The following SDR42E1 variants were observed in gnomAD, a reference collection of about 807,000 sequenced individuals.
The protein encoded by SDR42E1 is short chain dehydrogenase/reductase family 42E, member 1, also known as short-chain dehydrogenase/reductase family 42E member 1.
SDR42E1 carries 5 observed loss-of-function variants against 2.6 expected under a neutral mutation model. The observed-to-expected ratio is 1.94, with a 90% CI of 1.01 to 4.08. The LOEUF (loss-of-function observed/expected upper bound fraction) is 4.08. Ranked by LOEUF, SDR42E1 falls within the 30% of genes most tolerant of loss-of-function variation. The probability of loss-of-function intolerance (pLI) is 0.00; values close to 1 mark genes in which losing one functional copy is unlikely to be tolerated. For synonymous variants in SDR42E1, 231 were observed against 188.3 expected (o/e 1.23, Z -1.86); for missense variants, 596 against 478.6 (o/e 1.25, Z -2.29).
chr16:81,999,718 C>T lies in SDR42E1; in HGVS notation c.575G>A (p.Gly192Glu), dbSNP rs1326919865. ...ALRPAGIYGPGEQRHLPRIVS... is the reference protein window; with the variant it reads ...ALRPAGIYGPEEQRHLPRIVS... ...TATCCTGGGAAGGTGTCTTTGTTCTCCAGGCCCATAGATGCCAGCTGGCCT... is the reference window on the plus strand; with the variant it reads ...TATCCTGGGAAGGTGTCTTTGTTCTTCAGGCCCATAGATGCCAGCTGGCCT... Residue 192 changes from glycine (G) to glutamate (E), a missense_variant, in exon 3 of 3, where the codon GGA becomes GAA. Gly to Glu is a moderately conservative substitution (Grantham distance 98). Coordinates refer to ENST00000328945, the MANE Select transcript of SDR42E1 (RefSeq NM_145168.3). 2 of 1,614,162 alleles carry T rather than the reference C, an allele frequency of 1.2e-6. No homozygotes were observed. The highest frequency in any genetic ancestry group is 1.1e-5 in the South Asian group (1 of 91,082).
rs1912400189 is a variant in SDR42E1, at chr16:81,990,398, C to CA, written c.*8712dup. 6.6e-6 allele frequency: 1 copy of CA among 152,170 alleles called. No individual in the cohort carries two copies. Among genetic ancestry groups the CA allele is most frequent in the Non-Finnish European group, 1.5e-5 (1 of 68,018 alleles). The allele number at this position is 152,170 out of a possible 1,614,324, so 9.4% of individuals were successfully genotyped here. On this transcript the variant is annotated 3_prime_UTR_variant, in exon 3 of 3. Transcript: ENST00000328945. ...ACTGAACCATCTCTACCCGCATATG[C>CA]AGTTGTTTTTTTCAAACTACAGTCT...
rs1226840707 is a variant in SDR42E1, at chr16:81,994,298, C to G, written c.*4813G>C. On this transcript the variant is annotated 3_prime_UTR_variant, in exon 3 of 3. Transcript: ENST00000328945. ...GCCCAAACATCATCAGCACTCGGTC[C>G]TCTCCTTCAGGTAGGAGGACCCTGA... 1.3e-5 allele frequency: 2 copies of G among 152,266 alleles called. No homozygotes were observed. The highest frequency in any genetic ancestry group is 2.9e-5 in the Non-Finnish European group (2 of 68,090). 9.4% of individuals were successfully genotyped at this position (152,266 alleles called of 1,614,324 possible).
intron 1 of SDR42E1, among the ~76,000 whole-genome samples, chr16:82,008,962 C>G (rs1356359530): frequency 6.6e-6 from 1 of 152,200 alleles, no homozygotes; most frequent in Non-Finnish European, 1.5e-5. Flanking sequence ...CTCTGCGTCC[C>G]AGCTGCTCCA....
rs1465709699 is a variant in SDR42E1, at chr16:81,994,127, A to G, written c.*4984T>C. The G allele has an allele frequency of 6.6e-6, 1 of 152,210 alleles. No homozygotes were observed. The highest frequency in any genetic ancestry group is 1.5e-5 in the Non-Finnish European group (1 of 68,054). 9.4% of individuals were successfully genotyped at this position (152,210 alleles called of 1,614,324 possible). ...TCGAACTTAAAGGACCTTAAGCAGA[A>G]AAGAAAGTGAACTGAAGACTCACGT... On this transcript the variant is annotated 3_prime_UTR_variant, in exon 3 of 3. Transcript: ENST00000328945.
Position 82,000,933 on chromosome 16 carries a change from A to C in SDR42E1, c.-26-49T>G, listed in dbSNP as rs1912738129. On this transcript the variant is annotated intron_variant, in intron 1 of 2. Coordinates refer to ENST00000328945, the MANE Select transcript of SDR42E1 (RefSeq NM_145168.3). ...TGTTACTGATCCAAATGCAAACGTCATTCTCCCTAATTTTGACCTAACAAA... is the reference window on the plus strand; with the variant it reads ...TGTTACTGATCCAAATGCAAACGTCCTTCTCCCTAATTTTGACCTAACAAA... The C allele has an allele frequency of 6.1e-6, 8 of 1,301,888 alleles. No homozygotes were observed. In the South Asian group the frequency reaches 1.0e-4, roughly 16 times the overall value. The allele number at this position is 1,301,888 out of a possible 1,614,324, so 80.6% of individuals were successfully genotyped here.
At chr16:82,005,263 G>A (rs959744805) in intron 1 of SDR42E1, among the ~76,000 whole-genome samples, 5 of 152,300 alleles carry the variant, frequency 3.3e-5, no homozygotes, top group Middle Eastern at 3.4e-3. Flanking sequence ...GCCTAGTGAT[G>A]CTACTCCATT....
In SDR42E1 at chr16:81,989,982, G is replaced by C. The variant is rs1912391348; in HGVS notation, c.*9129C>G. 6.6e-6 allele frequency: 1 copy of C among 152,402 alleles called. No homozygotes were observed. The highest frequency in any genetic ancestry group is 2.1e-4 in the South Asian group (1 of 4,828). The allele number at this position is 152,402 out of a possible 1,614,324, so 9.4% of individuals were successfully genotyped here. A position where few individuals can be genotyped will look rare whatever the true frequency, so the allele number is the denominator to read the frequency against. ...CACTGCACTCCAGCCTGGGCCACAAGACCAAAACTCCGTCTGAAACAGACA... is the reference window on the plus strand; with the variant it reads ...CACTGCACTCCAGCCTGGGCCACAACACCAAAACTCCGTCTGAAACAGACA... On this transcript the variant is annotated 3_prime_UTR_variant, in exon 3 of 3. Coordinates refer to ENST00000328945, the MANE Select transcript of SDR42E1 (RefSeq NM_145168.3).
chr16:81,999,182 C>G lies in SDR42E1; in HGVS notation c.1111G>C (p.Gly371Arg), dbSNP rs374124394. 101 of 1,614,076 alleles carry G rather than the reference C, an allele frequency of 6.3e-5. No homozygotes were observed. The African/African-American group carries it at 1.3e-3, about 20-fold the overall frequency. ...SRDSECFVWD[G>R]LLVFLLIIAV... ...ATAATCAGGAGGAAGACCAATAGCCCATCCCAAACAAAACACTCCGAGTCA... is the reference window on the plus strand; with the variant it reads ...ATAATCAGGAGGAAGACCAATAGCCGATCCCAAACAAAACACTCCGAGTCA... Residue 371 changes from glycine to arginine, a missense_variant, in exon 3 of 3, where the codon GGG becomes CGG. Coordinates refer to ENST00000328945, the MANE Select transcript of SDR42E1 (RefSeq NM_145168.3).
At chr16:82,004,500 C>A (rs1181098614) in intron 1 of SDR42E1, among the ~76,000 whole-genome samples, 1 of 152,104 alleles carries the variant, frequency 6.6e-6, no homozygotes, top group East Asian at 1.9e-4. Context: ...AGTTTGAATC[C>A]CATTCTTTTT....
Position 81,990,431 on chromosome 16 carries a change from CTAAT to C in SDR42E1, c.*8676_*8679del, listed in dbSNP as rs892500374. The C allele has an allele frequency of 5.9e-5, 9 of 152,184 alleles. No homozygotes were observed. The highest frequency in any genetic ancestry group is 1.3e-4 in the Admixed American group (2 of 15,280). 9.4% of individuals were successfully genotyped at this position (152,184 alleles called of 1,614,324 possible). ...TTTTTCAAACTACAGTCTTATGTTG[CTAAT>C]TAGTTACTGAACATTCCATTTGAAC... On this transcript the variant is annotated 3_prime_UTR_variant, in exon 3 of 3. Coordinates refer to ENST00000328945, the MANE Select transcript of SDR42E1 (RefSeq NM_145168.3).
chr16:82,011,182 G>A (rs1010929657), intron 1 of SDR42E1, among the ~76,000 whole-genome samples: 3 of 152,200 alleles, frequency 2.0e-5, no homozygotes, highest in African/African-American at 7.2e-5. Context: ...TGAGGCCTTG[G>A]CGACATTCTA....
rs1344210617 is a variant in SDR42E1 at position 81,992,691 on chromosome 16, G to T, written c.*6420C>A. On this transcript the variant is annotated 3_prime_UTR_variant, in exon 3 of 3. Transcript: ENST00000328945. Reference sequence around the variant, plus strand: ...TTAAAAATAAACATTGCGAATTACTGCTGATAAATCCCCTGTTGGTTGAAA... The same window carrying T: ...TTAAAAATAAACATTGCGAATTACTTCTGATAAATCCCCTGTTGGTTGAAA... The T allele has an allele frequency of 6.6e-6, 1 of 152,078 alleles. No homozygotes were observed. Among genetic ancestry groups the T allele is most frequent in the Non-Finnish European group, 1.5e-5 (1 of 68,012 alleles). 9.4% of individuals were successfully genotyped at this position (152,078 alleles called of 1,614,324 possible). A position where few individuals can be genotyped will look rare whatever the true frequency, so the allele number is the denominator to read the frequency against.
In SDR42E1 at chr16:81,999,879, T is replaced by C. The variant is rs1379144343; in HGVS notation, c.414A>G (p.Glu138=). Reference sequence around the variant, plus strand: ...GGTGAAGAGGCAGGTAGGGCAGAGATTCATCCCCATTTCTGATAACTTGAC... The same window carrying C: ...GGTGAAGAGGCAGGTAGGGCAGAGACTCATCCCCATTTCTGATAACTTGAC... ...FGGQVIRNGD[E]SLPYLPLHLH... The change falls in exon 3 of 3, where the codon GAA becomes GAG. Residue 138 remains glutamate, a synonymous_variant. Coordinates refer to ENST00000328945, the MANE Select transcript of SDR42E1 (RefSeq NM_145168.3). The C allele has an allele frequency of 1.2e-6, 2 of 1,613,958 alleles. No homozygotes were observed. The highest frequency in any genetic ancestry group is 1.3e-5 in the African/African-American group (1 of 74,860).
chr16:82,002,977 G>C (rs1168587100), intron 1 of SDR42E1, among the ~76,000 whole-genome samples: 6 of 152,126 alleles, frequency 3.9e-5, no homozygotes, highest in Non-Finnish European at 2.9e-5. Context: ...AAAAGCACAG[G>C]GTTACAAAGA....
At chr16:82,004,014 A>G (rs945746207) in intron 1 of SDR42E1, among the ~76,000 whole-genome samples, 2 of 152,222 alleles carry the variant, frequency 1.3e-5, no homozygotes, top group Non-Finnish European at 2.9e-5. Context: ...TAACAATAAC[A>G]TGTCTCCTAA....
At chr16:82,008,203 G>C (rs1025735090) in intron 1 of SDR42E1, among the ~76,000 whole-genome samples, 1 of 152,238 alleles carries the variant, frequency 6.6e-6, no homozygotes, top group East Asian at 1.9e-4. Context: ...ACGTGGAACT[G>C]TGAGTCCATT....
At chr16:82,000,417 A>C in intron 2 of SDR42E1, 193 bp from the exon 3 acceptor site, 1 of 741,344 alleles carries the variant, frequency 1.3e-6, no homozygotes, top group South Asian at 1.5e-5. Flanking sequence ...CCTCTCATCT[A>C]CTTAAATTAC....
At position 81,993,406 on chromosome 16, in the gene SDR42E1, G is replaced by C. The variant is rs910123361; in HGVS notation, c.*5705C>G. 1.3e-5 allele frequency: 2 copies of C among 152,116 alleles called. No individual in the cohort carries two copies. Among genetic ancestry groups the C allele is most frequent in the African/African-American group, 2.4e-5 (1 of 41,414 alleles). The allele number at this position is 152,116 out of a possible 1,614,324, so 9.4% of individuals were successfully genotyped here. On this transcript the variant is annotated 3_prime_UTR_variant, in exon 3 of 3. Coordinates refer to ENST00000328945, the MANE Select transcript of SDR42E1 (RefSeq NM_145168.3). ...GGGAAGAGTCTGGAGTCTGTATATCGAGGTAAAATAGATGTAAGGAGTTCC... is the reference window on the plus strand; with the variant it reads ...GGGAAGAGTCTGGAGTCTGTATATCCAGGTAAAATAGATGTAAGGAGTTCC...
rs1203240251 is a variant in SDR42E1, at chr16:81,995,270, G to C, written c.*3841C>G. 6.6e-6 allele frequency: 1 copy of C among 152,416 alleles called. No homozygotes were observed. Among genetic ancestry groups the C allele is most frequent in the East Asian group, 1.9e-4 (1 of 5,186 alleles). The allele number at this position is 152,416 out of a possible 1,614,324, so 9.4% of individuals were successfully genotyped here. A position where few individuals can be genotyped will look rare whatever the true frequency, so the allele number is the denominator to read the frequency against. On this transcript the variant is annotated 3_prime_UTR_variant, in exon 3 of 3. Coordinates refer to ENST00000328945, the MANE Select transcript of SDR42E1 (RefSeq NM_145168.3). ...CCCAGACCTCTGAGAGCATCCCCAA[G>C]TGCACAAGTGTGAGCATAATTTTAT...
Sources: allele counts gnomAD v4.1 joint callset (sites outside exome capture counted in the v4.1 genomes callset), GRCh38; gene constraint gnomAD v4.1.1; transcripts MANE v1.5; gene names NCBI Gene and HGNC (gene_info 2026-07-23, HGNC 2026-07-21).